Variants in ZNF490 observed in about 807,000 individuals in gnomAD.
The protein encoded by ZNF490 is zinc finger protein 490.
In ZNF490, 11 loss-of-function variants were observed where a neutral mutation model predicts 17.7. The observed-to-expected ratio is 0.62, with a 90% CI of 0.39 to 1.03. The LOEUF (loss-of-function observed/expected upper bound fraction) is 1.03, where lower values mean the gene tolerates loss of function less well. ZNF490 is among the 50% of genes least tolerant of loss of function. ZNF490 has a pLI of 0.00. For synonymous variants in ZNF490, 222 were observed against 216.1 expected (o/e 1.03, Z -0.24); for missense variants, 542 against 643.4 (o/e 0.84, Z 1.71).
chr19:12,605,904 A>G (rs1314708100), intron 2 of ZNF490, among the ~76,000 whole-genome samples: 2 of 151,076 alleles, frequency 1.3e-5, no homozygotes, highest in Non-Finnish European at 2.9e-5. Flanking sequence ...TTTTTTTTTG[A>G]GACAGAGTTT....
In ZNF490 at chr19:12,578,545, A is replaced by T. The variant is rs1002437011; in HGVS notation, c.*1940T>A. ...GAGATGGGAAATGGAGCTGGAGATGACCTCAAAACAGCCCTGGAATAATGC... is the reference window on the plus strand; with the variant it reads ...GAGATGGGAAATGGAGCTGGAGATGTCCTCAAAACAGCCCTGGAATAATGC... On this transcript the variant is annotated 3_prime_UTR_variant, in exon 5 of 5. Transcript: ENST00000311437. The T allele has an allele frequency of 1.0e-6, 1 of 985,306 alleles. No individual in the cohort carries two copies. Among genetic ancestry groups the T allele is most frequent in the Non-Finnish European group, 1.2e-6 (1 of 829,956 alleles). 61.0% of individuals were successfully genotyped at this position (985,306 alleles called of 1,614,324 possible). A position where few individuals can be genotyped will look rare whatever the true frequency, so the allele number is the denominator to read the frequency against.
intron 2 of ZNF490, chr19:12,597,024 C>T: frequency 2.3e-6 from 1 of 429,372 alleles, no homozygotes; most frequent in South Asian, 1.6e-5. Flanking sequence ...TCCCAGCTGC[C>T]GGCCCAGCCC....
At chr19:12,610,217 TTTC>T (rs2023129609) in intron 1 of ZNF490, among the ~76,000 whole-genome samples, 1 of 151,384 alleles carries the variant, frequency 6.6e-6, no homozygotes, top group African/African-American at 2.4e-5. Context: ...TTTTTTTTTT[TTTC>T]TTGGGATGGG....
chr19:12,580,083 G>A lies in ZNF490; in HGVS notation c.*402C>T. 2.1e-6 allele frequency: 2 copies of A among 959,240 alleles called. No individual in the cohort carries two copies. Among genetic ancestry groups the A allele is most frequent in the East Asian group, 1.1e-4 (1 of 8,916 alleles). The allele number at this position is 959,240 out of a possible 1,614,324, so 59.4% of individuals were successfully genotyped here. On this transcript the variant is annotated 3_prime_UTR_variant, in exon 5 of 5. Coordinates refer to ENST00000311437, the MANE Select transcript of ZNF490 (RefSeq NM_020714.3). ...GATCGCACCACTGCACTCCAGCCTG[G>A]GCAACAAGAGCAAAATTACATCTCA...
At chr19:12,603,386 T>C (rs1351779796) in intron 2 of ZNF490, among the ~76,000 whole-genome samples, 3 of 151,370 alleles carry the variant, frequency 2.0e-5, no homozygotes, top group South Asian at 4.2e-4. Context: ...ACTTGAGAGG[T>C]TGAGGTGGGA....
chr19:12,583,811 A>ATTTTTTT (rs879747918), intron 2 of ZNF490, among the ~76,000 whole-genome samples: 40 of 78,664 alleles, frequency 5.1e-4, no homozygotes, highest in African/African-American at 1.9e-3. Context: ...ATATATATAT[A>ATTTTTTT]TTTTTTTTTT....
At chr19:12,589,313 C>T (rs1354461889) in intron 2 of ZNF490, among the ~76,000 whole-genome samples, 1 of 152,008 alleles carries the variant, frequency 6.6e-6, no homozygotes, top group Non-Finnish European at 1.5e-5. Flanking sequence ...GCCCAGATCG[C>T]GCCATCACAC....
chr19:12,582,305 T>C (rs1359643424), intron 4 of ZNF490, among the ~76,000 whole-genome samples: 5 of 152,054 alleles, frequency 3.3e-5, no homozygotes, highest in South Asian at 2.1e-4. Context: ...TTGACCAGGC[T>C]GGTGTTGAAC....
intron 2 of ZNF490, among the ~76,000 whole-genome samples, chr19:12,596,280 A>AAAAAAAAAG (rs2022932767): frequency 6.6e-6 from 1 of 151,254 alleles, no homozygotes; most frequent in Non-Finnish European, 1.5e-5. Context: ...AAAAAAAAAA[A>AAAAAAAAAG]GTGATTTGAT....
rs532531693 is a variant in ZNF490 at position 12,582,958 on chromosome 19, G to A, written c.290-48C>T. On this transcript the variant is annotated intron_variant, in intron 3 of 4. Transcript: ENST00000311437. ...TCACAATAAATTATTAGAAATTATA[G>A]AAAATTATAACACTCTAAGATCCAT... 3.6e-5 allele frequency: 53 copies of A among 1,469,856 alleles called. 1 individual carries two copies. In the South Asian group the frequency reaches 5.9e-4, roughly 16 times the overall value. The allele number at this position is 1,469,856 out of a possible 1,614,324, so 91.1% of individuals were successfully genotyped here. A position where few individuals can be genotyped will look rare whatever the true frequency, so the allele number is the denominator to read the frequency against.
rs2022802186 is a variant in ZNF490, at chr19:12,585,712, C to G, written c.163-2156G>C. Among the ~76,000 whole-genome samples the G allele has an allele frequency of 3.2e-5, 3 of 92,408 alleles. 1 individual carries two copies. Among genetic ancestry groups the G allele is most frequent in the Non-Finnish European group, 8.7e-5 (3 of 34,442 alleles). 60.6% of individuals were successfully genotyped at this position (92,408 alleles called of 152,430 possible). A position where few individuals can be genotyped will look rare whatever the true frequency, so the allele number is the denominator to read the frequency against. On this transcript the variant is annotated intron_variant, in intron 2 of 4. Coordinates refer to ENST00000311437, the MANE Select transcript of ZNF490 (RefSeq NM_020714.3). The stretch of plus-strand genomic sequence containing the variant: ...TTAGAGTTTTGTTTTTATTTTGAGA[C>G]CCAGTCTCGCTCTGTCACCCAGGCT...
At position 12,576,813 on chromosome 19, in the gene ZNF490, C is replaced by CAAAAAA. The variant is rs149742929; in HGVS notation, c.*3666_*3671dup. ...GCCTGGCAACAGTGAGAATCCATCT[C>CAAAAAA]AAAAAAAAAAAAAAAAAAAAAAACC... On this transcript the variant is annotated 3_prime_UTR_variant, in exon 5 of 5. Transcript: ENST00000311437. 1.0e-3 allele frequency among the ~76,000 whole-genome samples: 38 copies of CAAAAAA among 37,402 alleles called. No individual in the cohort carries two copies. Among genetic ancestry groups the CAAAAAA allele is most frequent in the African/African-American group, 2.6e-3 (25 of 9,666 alleles). The allele number at this position is 37,402 out of a possible 152,430, so 24.5% of individuals were successfully genotyped here. A position where few individuals can be genotyped will look rare whatever the true frequency, so the allele number is the denominator to read the frequency against.
Position 12,594,939 on chromosome 19 carries a change from C to T in ZNF490, c.163-11383G>A, listed in dbSNP as rs142261295. On this transcript the variant is annotated intron_variant, in intron 2 of 4. Transcript: ENST00000311437. ...TGAATGATTGTCAGTTAGTGCATTA[C>T]AGAGATGTTAAAATTAATTCAGAAC... 2.8e-3 allele frequency among the ~76,000 whole-genome samples: 431 copies of T among 152,260 alleles called. 6 individuals are homozygous for T. The highest frequency in any genetic ancestry group is 9.9e-3 in the African/African-American group (412 of 41,556).
chr19:12,606,392 T>G lies in ZNF490; in HGVS notation c.162+2766A>C, dbSNP rs1455923452. ...CAGGGTCTCTATCTGTTGCCCAGGC[T>G]AGAGTGCAGTGGCATGATCTCAGCT... On this transcript the variant is annotated intron_variant, in intron 2 of 4. Transcript: ENST00000311437. Among the ~76,000 whole-genome samples, 10 of 150,674 alleles carry G rather than the reference T, an allele frequency of 6.6e-5. No individual in the cohort carries two copies. In the South Asian group the frequency reaches 1.5e-3, roughly 22 times the overall value.
chr19:12,581,494 T>G lies in ZNF490; in HGVS notation c.581A>C (p.His194Pro). 6.2e-7 allele frequency: 1 copy of G among 1,614,250 alleles called. No individual in the cohort carries two copies. The highest frequency in any genetic ancestry group is 8.5e-7 in the Non-Finnish European group (1 of 1,180,050). ...GGTTTTCCCACATTCTTTGCATTTA[T>G]GTGGCTTCTCTCCATATTCGTGACA... ...NECHEYGEKP[H>P]KCKECGKTFT... The change falls in exon 5 of 5, where the codon CAT becomes CCT. Residue 194 changes from histidine (H) to proline (P), a missense_variant. His to Pro is a moderately conservative substitution (Grantham distance 77). Coordinates refer to ENST00000311437, the MANE Select transcript of ZNF490 (RefSeq NM_020714.3).
At position 12,580,804 on chromosome 19, in the gene ZNF490, C is replaced by T; in HGVS notation, c.1271G>A (p.Gly424Asp). 1 of 1,614,132 alleles carries T rather than the reference C, an allele frequency of 6.2e-7. No individual in the cohort carries two copies. Among genetic ancestry groups the T allele is most frequent in the Non-Finnish European group, 8.5e-7 (1 of 1,180,016 alleles). The change falls in exon 5 of 5, where the codon GGT becomes GAT. Residue 424 changes from glycine (G) to aspartate (D), a missense_variant. Physicochemically the swap from Gly to Asp is moderately conservative, Grantham distance 94. Coordinates refer to ENST00000311437, the MANE Select transcript of ZNF490 (RefSeq NM_020714.3). ...GTGAGTGGAATAAAGAAAGGCTTTACCACATTCTTTACATTCGTAAGTTTT... is the reference window on the plus strand; with the variant it reads ...GTGAGTGGAATAAAGAAAGGCTTTATCACATTCTTTACATTCGTAAGTTTT... Reference protein sequence around the residue: ...GEKTYECKECGKAFLYSTHFR... With the variant: ...GEKTYECKECDKAFLYSTHFR...
chr19:12,605,715 G>A (rs1272309515), intron 2 of ZNF490, among the ~76,000 whole-genome samples: 1 of 152,122 alleles, frequency 6.6e-6, no homozygotes, highest in Non-Finnish European at 1.5e-5. Flanking sequence ...CCGTCTCCAG[G>A]TAGATACTGT....
chr19:12,605,920 T>C (rs993657349), intron 2 of ZNF490, among the ~76,000 whole-genome samples: 5 of 152,094 alleles, frequency 3.3e-5, no homozygotes, highest in African/African-American at 1.2e-4. Context: ...AGTTTTGCTC[T>C]TGTTGCCCAG....
intron 2 of ZNF490, chr19:12,597,343 G>T (rs964072395): frequency 2.9e-6 from 1 of 343,312 alleles, no homozygotes; most frequent in Non-Finnish European, 6.0e-6. Context: ...CACCGATGCT[G>T]ACTGGACAGT....
Sources: allele counts gnomAD v4.1 joint callset (sites outside exome capture counted in the v4.1 genomes callset), GRCh38; gene constraint gnomAD v4.1.1; transcripts MANE v1.5; gene names NCBI Gene and HGNC (gene_info 2026-07-23, HGNC 2026-07-21).